The following CNTNAP5 variants were observed in gnomAD, a reference collection of about 807,000 sequenced individuals.
The protein encoded by CNTNAP5 is contactin associated protein family member 5, also known as contactin-associated protein-like 5.
In CNTNAP5, 72 loss-of-function variants were observed where a neutral mutation model predicts 150.2. The ratio of observed to expected loss-of-function variants is 0.48; its 90% CI spans 0.40 to 0.58. The LOEUF (loss-of-function observed/expected upper bound fraction) is 0.58, where lower values mean the gene tolerates loss of function less well. CNTNAP5 is among the 20% of genes least tolerant of loss of function. The pLI is 0.00. For synonymous variants in CNTNAP5, 672 were observed against 619.8 expected (o/e 1.08, Z -1.25); for missense variants, 1,636 against 1,626.2 (o/e 1.01, Z -0.10).
chr2:124,190,267 T>C (rs1031204648), intron 1 of CNTNAP5, among the ~76,000 whole-genome samples: 1 of 152,216 alleles, frequency 6.6e-6, no homozygotes, highest in East Asian at 1.9e-4. Context: ...GTAGCAATGA[T>C]GTTTTTGAGC....
At chr2:124,722,720 G>A (rs971375309) in intron 13 of CNTNAP5, among the ~76,000 whole-genome samples, 1 of 152,146 alleles carries the variant, frequency 6.6e-6, no homozygotes, top group African/African-American at 2.4e-5. Context: ...AAAATGAATT[G>A]GAGGCAGCCT....
intron 21 of CNTNAP5, among the ~76,000 whole-genome samples, chr2:124,897,753 G>C (rs1678335959): frequency 6.6e-6 from 1 of 151,602 alleles, no homozygotes; most frequent in Non-Finnish European, 1.5e-5. Flanking sequence ...TAGGTTTCAG[G>C]CCTGAATTGG....
At chr2:124,589,881 G>T (rs1404593570) in intron 11 of CNTNAP5, among the ~76,000 whole-genome samples, 1 of 152,154 alleles carries the variant, frequency 6.6e-6, no homozygotes, top group East Asian at 1.9e-4. Flanking sequence ...GCTGTGGTTT[G>T]AATGTGTTCC....
At chr2:124,691,904 A>G (rs990340518) in intron 13 of CNTNAP5, among the ~76,000 whole-genome samples, 1 of 152,110 alleles carries the variant, frequency 6.6e-6, no homozygotes, top group Non-Finnish European at 1.5e-5. Flanking sequence ...TTCCTTCCCC[A>G]TGAGCCTAGG....
intron 19 of CNTNAP5, among the ~76,000 whole-genome samples, chr2:124,828,127 T>C (rs764762640): frequency 2.0e-5 from 3 of 152,158 alleles, no homozygotes; most frequent in Non-Finnish European, 2.9e-5. Context: ...AACTATTTAA[T>C]CTCTCAAAGA....
intron 12 of CNTNAP5, among the ~76,000 whole-genome samples, chr2:124,610,942 G>A (rs563672573): frequency 4.5e-5 from 5 of 110,730 alleles, no homozygotes; most frequent in African/African-American, 9.5e-5. Flanking sequence ...GCGACAGGGC[G>A]AGACACCGTC....
intron 3 of CNTNAP5, among the ~76,000 whole-genome samples, chr2:124,368,208 AAC>A (rs1690424960): frequency 6.6e-6 from 1 of 152,208 alleles, no homozygotes; most frequent in African/African-American, 2.4e-5. Flanking sequence ...GTATAAGAAA[AAC>A]ACAGGAGAAA....
chr2:124,211,623 G>T (rs1391687034), intron 1 of CNTNAP5, among the ~76,000 whole-genome samples: 2 of 151,972 alleles, frequency 1.3e-5, no homozygotes, highest in Non-Finnish European at 2.9e-5. Flanking sequence ...ACATACACCA[G>T]TAAAGGTCAA....
intron 1 of CNTNAP5, among the ~76,000 whole-genome samples, chr2:124,197,736 C>T (rs903685154): frequency 1.3e-5 from 2 of 152,128 alleles, no homozygotes; most frequent in African/African-American, 4.8e-5. Context: ...AATCCCAGCA[C>T]TTTGGGAGCC....
At chr2:124,465,910 C>T (rs1012308647) in intron 6 of CNTNAP5, among the ~76,000 whole-genome samples, 7 of 151,946 alleles carry the variant, frequency 4.6e-5, no homozygotes, top group East Asian at 3.9e-4. Flanking sequence ...ATGGAGGGAA[C>T]GAGATTGCAA....
intron 12 of CNTNAP5, among the ~76,000 whole-genome samples, chr2:124,611,993 T>A (rs1234410929): frequency 3.9e-5 from 6 of 152,222 alleles, no homozygotes; most frequent in Admixed American, 2.0e-4. Flanking sequence ...GTAAATTCTG[T>A]GACTAACAGT....
intron 5 of CNTNAP5, among the ~76,000 whole-genome samples, chr2:124,442,294 A>ATAACATAACCTACTAT (rs1692695191): frequency 2.0e-5 from 3 of 152,160 alleles, no homozygotes; most frequent in Non-Finnish European, 4.4e-5. Flanking sequence ...AGAAGGGTAC[A>ATAACATAACCTACTAT]GTGAACAACA....
intron 1 of CNTNAP5, among the ~76,000 whole-genome samples, chr2:124,193,365 ATCT>A (rs1363835756): frequency 6.6e-6 from 1 of 152,146 alleles, no homozygotes; most frequent in Non-Finnish European, 1.5e-5. Flanking sequence ...TTTATTGTCT[ATCT>A]CCACTAGCTA....
intron 7 of CNTNAP5, among the ~76,000 whole-genome samples, chr2:124,503,909 G>A (rs766538500): frequency 6.6e-6 from 1 of 152,082 alleles, no homozygotes. Context: ...TCCGGCTCCC[G>A]CTGGAGCTAG....
intron 19 of CNTNAP5, among the ~76,000 whole-genome samples, chr2:124,857,349 A>C (rs754661234): frequency 2.0e-5 from 3 of 152,154 alleles, no homozygotes; most frequent in South Asian, 2.1e-4. Flanking sequence ...CACAGGCAAT[A>C]GTCAGCAGGT....
intron 1 of CNTNAP5, among the ~76,000 whole-genome samples, chr2:124,166,560 A>ATTGT (rs1684813702): frequency 1.3e-5 from 2 of 152,088 alleles, no homozygotes; most frequent in Non-Finnish European, 2.9e-5. Flanking sequence ...TTTCTGTTAT[A>ATTGT]CCTTGTTCTC....
At chr2:124,497,467 C>A (rs1308796890) in intron 7 of CNTNAP5, among the ~76,000 whole-genome samples, 1 of 152,194 alleles carries the variant, frequency 6.6e-6, no homozygotes, top group Non-Finnish European at 1.5e-5. Flanking sequence ...GCAAAGCCAG[C>A]ATCCAAATGG....
intron 21 of CNTNAP5, among the ~76,000 whole-genome samples, chr2:124,896,829 G>A (rs904562149): frequency 2.0e-5 from 3 of 151,546 alleles, no homozygotes; most frequent in Non-Finnish European, 2.9e-5. Flanking sequence ...ATAAGCCACC[G>A]CACCTGGCTA....
At chr2:124,510,538 A>AAC (rs1221432381) in intron 8 of CNTNAP5, among the ~76,000 whole-genome samples, 1 of 123,628 alleles carries the variant, frequency 8.1e-6, no homozygotes, top group Admixed American at 8.4e-5. Flanking sequence ...TCCATATATC[A>AAC]ACACACACAC....
Sources: allele counts gnomAD v4.1 joint callset (sites outside exome capture counted in the v4.1 genomes callset), GRCh38; gene constraint gnomAD v4.1.1; transcripts MANE v1.5; gene names NCBI Gene and HGNC (gene_info 2026-07-23, HGNC 2026-07-21).